Variants in RPS6KC1 observed in about 807,000 individuals in gnomAD.
The protein encoded by RPS6KC1 is inactive ribosomal protein S6 kinase delta-1.
RPS6KC1 carries 54 observed loss-of-function variants against 103.8 expected under a neutral mutation model. The ratio of observed to expected loss-of-function variants is 0.52; its 90% CI spans 0.42 to 0.65. The LOEUF is 0.65. RPS6KC1 is among the 30% of genes least tolerant of loss of function. The pLI is 0.00. For missense variants in RPS6KC1, 1,151 were observed against 1,253.8 expected (o/e 0.92, Z 1.24); for synonymous variants, 439 against 438.7 (o/e 1.00, Z -0.01).
chr1:213,576,627 C>T, the RPS6KC1 span, among the ~76,000 whole-genome samples: 1 of 152,100 alleles, frequency 6.6e-6, no homozygotes, highest in African/African-American at 2.4e-5. Flanking sequence ...GACTGCTCCT[C>T]TTCAGTCTCT....
chr1:213,260,207 C>T (rs998667063), intron 12 of RPS6KC1, among the ~76,000 whole-genome samples: 1 of 152,114 alleles, frequency 6.6e-6, no homozygotes, highest in Non-Finnish European at 1.5e-5. Context: ...CATACTAGTT[C>T]GAATTAGTTA....
At chr1:213,736,067 C>G in the RPS6KC1 span, among the ~76,000 whole-genome samples, 1 of 152,206 alleles carries the variant, frequency 6.6e-6, no homozygotes, top group Non-Finnish European at 1.5e-5. Context: ...CCCAGTAAGG[C>G]AGGGACAGTA....
intron 6 of RPS6KC1, among the ~76,000 whole-genome samples, chr1:213,136,235 G>A (rs901981127): frequency 1.3e-5 from 2 of 152,170 alleles, no homozygotes; most frequent in Non-Finnish European, 2.9e-5. Flanking sequence ...GGATCCTGGA[G>A]GAAGAGGGTA....
chr1:213,640,094 T>C, the RPS6KC1 span, among the ~76,000 whole-genome samples: 17 of 152,078 alleles, frequency 1.1e-4, no homozygotes, highest in African/African-American at 4.1e-4. Context: ...TTTTGGGTTA[T>C]CTACTGTTAT....
the RPS6KC1 span, among the ~76,000 whole-genome samples, chr1:213,667,194 AAAG>A: frequency 6.6e-6 from 1 of 152,306 alleles, no homozygotes; most frequent in South Asian, 2.1e-4. Flanking sequence ...CAAAAGAAAA[AAAG>A]AAGTTCTGTG....
the RPS6KC1 span, among the ~76,000 whole-genome samples, chr1:213,315,723 C>T: frequency 6.6e-6 from 1 of 152,160 alleles, no homozygotes; most frequent in South Asian, 2.1e-4. Flanking sequence ...CCTTGCTGCC[C>T]CCCACGGGCT....
chr1:213,504,078 A>G, the RPS6KC1 span, among the ~76,000 whole-genome samples: 1 of 152,188 alleles, frequency 6.6e-6, no homozygotes, highest in Non-Finnish European at 1.5e-5. Context: ...AACTATATGT[A>G]TATATAGAAC....
chr1:213,406,193 C>T, the RPS6KC1 span, among the ~76,000 whole-genome samples: 1 of 152,152 alleles, frequency 6.6e-6, no homozygotes, highest in Non-Finnish European at 1.5e-5. Flanking sequence ...ATGTGACCCA[C>T]CTGGAATGTT....
chr1:213,215,928 CA>C (rs1372985500), intron 8 of RPS6KC1, among the ~76,000 whole-genome samples: 1 of 152,162 alleles, frequency 6.6e-6, no homozygotes, highest in Non-Finnish European at 1.5e-5. Flanking sequence ...AAAAACATGC[CA>C]AATTGTGAAG....
intron 8 of RPS6KC1, among the ~76,000 whole-genome samples, chr1:213,197,536 GTAT>G (rs1483377108): frequency 7.3e-5 from 11 of 151,538 alleles, no homozygotes; most frequent in African/African-American, 2.4e-4. Flanking sequence ...ATGTATGTAT[GTAT>G]GTATGTATGT....
At chr1:213,680,993 T>A in the RPS6KC1 span, among the ~76,000 whole-genome samples, 3 of 152,228 alleles carry the variant, frequency 2.0e-5, no homozygotes, top group Non-Finnish European at 4.4e-5. Context: ...GAGGCCCTTT[T>A]TGTCAGTTTT....
chr1:213,447,118 A>G, the RPS6KC1 span, among the ~76,000 whole-genome samples: 2 of 151,738 alleles, frequency 1.3e-5, no homozygotes, highest in South Asian at 4.2e-4. Context: ...CCCAAGCTGG[A>G]GTGCAGTAGC....
chr1:213,359,187 G>A, the RPS6KC1 span, among the ~76,000 whole-genome samples: 1 of 152,200 alleles, frequency 6.6e-6, no homozygotes, highest in African/African-American at 2.4e-5. Flanking sequence ...ATGTGTGGGA[G>A]TCTAAGTCTC....
the RPS6KC1 span, among the ~76,000 whole-genome samples, chr1:213,583,882 G>A: frequency 1.5e-4 from 22 of 151,316 alleles, no homozygotes; most frequent in African/African-American, 5.1e-4. Flanking sequence ...ACAGATTCCA[G>A]GACCCCATCC....
At chr1:213,158,243 G>A (rs2090116156) in intron 6 of RPS6KC1, among the ~76,000 whole-genome samples, 1 of 152,218 alleles carries the variant, frequency 6.6e-6, no homozygotes, top group South Asian at 2.1e-4. Context: ...AGGTAAATCA[G>A]TACTGTGACT....
the RPS6KC1 span, among the ~76,000 whole-genome samples, chr1:213,524,350 A>G: frequency 6.6e-6 from 1 of 151,748 alleles, no homozygotes; most frequent in African/African-American, 2.4e-5. Context: ...CTCTCTGACA[A>G]GGTCATATGG....
the RPS6KC1 span, among the ~76,000 whole-genome samples, chr1:213,404,041 G>T: frequency 6.6e-6 from 1 of 152,148 alleles, no homozygotes; most frequent in Non-Finnish European, 1.5e-5. Context: ...AGCTGAGAAG[G>T]CCCTAAGCGA....
the RPS6KC1 span, among the ~76,000 whole-genome samples, chr1:213,694,183 C>G: frequency 6.6e-6 from 1 of 152,240 alleles, no homozygotes; most frequent in African/African-American, 2.4e-5. Flanking sequence ...GCCTCTGCCT[C>G]TGCTCCCACT....
At chr1:213,744,965 G>A in the RPS6KC1 span, among the ~76,000 whole-genome samples, 13 of 152,338 alleles carry the variant, frequency 8.5e-5, no homozygotes, top group Admixed American at 7.2e-4. Flanking sequence ...GCCCTTCAAG[G>A]TGCCTCTCAC....
Sources: allele counts gnomAD v4.1 joint callset (sites outside exome capture counted in the v4.1 genomes callset), GRCh38; gene constraint gnomAD v4.1.1; transcripts MANE v1.5; gene names NCBI Gene and HGNC (gene_info 2026-07-23, HGNC 2026-07-21).